NCKAP5: variants seen among roughly 807,000 people sequenced by gnomAD.
NCKAP5 encodes nck-associated protein 5.
In NCKAP5, 92 loss-of-function variants were observed where a neutral mutation model predicts 167.0. That is an observed-to-expected ratio of 0.55 (90% CI 0.47 to 0.66). NCKAP5 has a LOEUF of 0.66. Among genes scored for constraint, NCKAP5 ranks in the 30% least tolerant of loss-of-function variants. The pLI is 0.00. For missense variants in NCKAP5, 2,378 were observed against 2,315.0 expected (o/e 1.03, Z -0.56); for synonymous variants, 891 against 877.4 (o/e 1.02, Z -0.27).
chr2:133,326,835 A>G (rs1011345426), intron 3 of NCKAP5, among the ~76,000 whole-genome samples: 2 of 152,192 alleles, frequency 1.3e-5, no homozygotes, highest in African/African-American at 4.8e-5. Flanking sequence ...TACCAGAAAC[A>G]GCAGCATTTC....
chr2:132,676,385 T>C (rs1684495953), intron 19 of NCKAP5, among the ~76,000 whole-genome samples: 1 of 142,366 alleles, frequency 7.0e-6, no homozygotes, highest in Admixed American at 7.3e-5. Context: ...CCTAGTCCAA[T>C]GCTACATCAT....
chr2:132,741,264 G>A lies in NCKAP5; in HGVS notation c.5129-9213C>T, dbSNP rs111354496. Among the ~76,000 whole-genome samples, 565 of 152,070 alleles carry A rather than the reference G, an allele frequency of 3.7e-3. 5 individuals carry two copies. Among genetic ancestry groups the A allele is most frequent in the African/African-American group, 0.013 (532 of 41,514 alleles). On this transcript the variant is annotated intron_variant, in intron 16 of 19. Transcript: ENST00000409261. ...TCCAAACACTTCTAGATTTTTGCAA[G>A]TTTTTATAATTATCGCTATACTCTT...
intron 1 of NCKAP5, among the ~76,000 whole-genome samples, chr2:133,561,544 T>C (rs987618964): frequency 6.6e-6 from 1 of 152,212 alleles, no homozygotes; most frequent in African/African-American, 2.4e-5. Flanking sequence ...CTGAAATGTA[T>C]TGAGTATTCA....
At chr2:133,190,299 T>C (rs2085153226) in intron 5 of NCKAP5, among the ~76,000 whole-genome samples, 1 of 152,164 alleles carries the variant, frequency 6.6e-6, no homozygotes. Flanking sequence ...GGAAGAACAT[T>C]CCATGTTCAT....
chr2:133,582,450 T>C, the NCKAP5 span, among the ~76,000 whole-genome samples: 22 of 152,216 alleles, frequency 1.4e-4, no homozygotes, highest in African/African-American at 5.1e-4. Context: ...AATTCACTCC[T>C]CCTTCAGCTA....
At chr2:133,425,282 A>G (rs999664046) in intron 3 of NCKAP5, among the ~76,000 whole-genome samples, 1 of 152,240 alleles carries the variant, frequency 6.6e-6, no homozygotes, top group African/African-American at 2.4e-5. Flanking sequence ...TGAGAGGACT[A>G]TTTTGACTGT....
chr2:133,488,082 C>T (rs1008280812), intron 3 of NCKAP5, among the ~76,000 whole-genome samples: 7 of 152,122 alleles, frequency 4.6e-5, no homozygotes, highest in African/African-American at 1.7e-4. Flanking sequence ...TAAAATATTT[C>T]TCAAATGGAG....
At chr2:132,986,235 G>C (rs560592798) in intron 7 of NCKAP5, among the ~76,000 whole-genome samples, 1 of 152,186 alleles carries the variant, frequency 6.6e-6, no homozygotes, top group Admixed American at 6.5e-5. Flanking sequence ...ATGTGCTGGA[G>C]TGAGACTTTG....
intron 4 of NCKAP5, among the ~76,000 whole-genome samples, chr2:133,221,569 T>C: frequency 6.6e-6 from 1 of 152,226 alleles, no homozygotes; most frequent in Non-Finnish European, 1.5e-5. Context: ...GACTTCAGGA[T>C]TGATAGACAG....
intron 3 of NCKAP5, among the ~76,000 whole-genome samples, chr2:133,430,566 G>T (rs978131508): frequency 1.3e-5 from 2 of 151,970 alleles, no homozygotes; most frequent in Non-Finnish European, 2.9e-5. Flanking sequence ...GAGAGGTAGG[G>T]GTCCAGTTTC....
At chr2:132,963,155 A>C (rs1439284021) in intron 8 of NCKAP5, among the ~76,000 whole-genome samples, 1 of 152,214 alleles carries the variant, frequency 6.6e-6, no homozygotes, top group Non-Finnish European at 1.5e-5. Context: ...GAAGTAACAG[A>C]CGGGTGTTAT....
chr2:132,737,822 C>T (rs917451861), intron 16 of NCKAP5, among the ~76,000 whole-genome samples: 3 of 152,216 alleles, frequency 2.0e-5, no homozygotes, highest in African/African-American at 7.2e-5. Flanking sequence ...CTGTAAGCAT[C>T]GTGCAGGCAT....
At chr2:133,215,630 A>G (rs1415714945) in intron 4 of NCKAP5, among the ~76,000 whole-genome samples, 1 of 152,148 alleles carries the variant, frequency 6.6e-6, no homozygotes. Context: ...GGAATACTAT[A>G]CAACACTGAA....
intron 3 of NCKAP5, among the ~76,000 whole-genome samples, chr2:133,461,113 T>C (rs74829186): frequency 0.03 from 4,624 of 152,092 alleles, 231 homozygotes; most frequent in African/African-American, 0.11. Context: ...GGAGATGGGA[T>C]GGGGCAGGTG....
chr2:133,252,586 C>T (rs973948217), intron 4 of NCKAP5, among the ~76,000 whole-genome samples: 1 of 152,158 alleles, frequency 6.6e-6, no homozygotes, highest in Non-Finnish European at 1.5e-5. Flanking sequence ...TTTTAAACTC[C>T]AATGGCATGT....
chr2:133,631,657 C>T, the NCKAP5 span, among the ~76,000 whole-genome samples: 2 of 152,166 alleles, frequency 1.3e-5, no homozygotes, highest in African/African-American at 4.8e-5. Context: ...GAGTTTGATA[C>T]AATAACTTAG....
Position 132,725,699 on chromosome 2 carries a change from G to A in NCKAP5, c.5641C>T (p.Leu1881=), listed in dbSNP as rs997695606. The change falls in exon 19 of 20, where the codon CTG becomes TTG. Residue 1881 remains leucine, a synonymous_variant. Transcript: ENST00000409261. ...ASGGSNSDSD[L]DYGDNGFGAG... ...CCAAAACCATTATCTCCATAGTCCA[G>A]GTCACTGTCACTATTACTGCCACCG... is the stretch of plus-strand genomic sequence containing the variant. The A allele has an allele frequency of 5.0e-6, 8 of 1,613,414 alleles. No individual in the cohort carries two copies. The East Asian group carries it at 1.8e-4, about 36-fold the overall frequency.
chr2:132,973,953 A>T (rs895149457), intron 7 of NCKAP5, among the ~76,000 whole-genome samples: 2 of 152,164 alleles, frequency 1.3e-5, no homozygotes, highest in Non-Finnish European at 2.9e-5. Context: ...GGCCTTAAAA[A>T]AATAAAGACA....
At chr2:133,596,614 G>A in the NCKAP5 span, among the ~76,000 whole-genome samples, 2 of 152,222 alleles carry the variant, frequency 1.3e-5, no homozygotes, top group African/African-American at 2.4e-5. Context: ...CAGCATGAAT[G>A]AGCGAACAGA....
Sources: allele counts gnomAD v4.1 joint callset (sites outside exome capture counted in the v4.1 genomes callset), GRCh38; gene constraint gnomAD v4.1.1; transcripts MANE v1.5; gene names NCBI Gene and HGNC (gene_info 2026-07-23, HGNC 2026-07-21).